The following BIK variants were observed in gnomAD, a reference collection of about 807,000 sequenced individuals.
BIK encodes the protein BCL2 interacting killer, also known as bcl-2-interacting killer.
In BIK, 14 loss-of-function variants were observed where a neutral mutation model predicts 12.1. That is an observed-to-expected ratio of 1.16 (90% CI 0.77 to 1.81). The LOEUF is 1.81. Among genes scored for constraint, BIK ranks in the 40% most tolerant of loss-of-function variants. The pLI is 0.00. For synonymous variants in BIK, 86 were observed against 92.3 expected (o/e 0.93, Z 0.39); for missense variants, 215 against 207.9 (o/e 1.03, Z -0.21).
chr22:43,126,651 C>T (rs560970529), intron 2 of BIK, among the ~76,000 whole-genome samples: 22 of 152,282 alleles, frequency 1.4e-4, no homozygotes, highest in East Asian at 1.4e-3. Context: ...GCACCTCCCA[C>T]AGGCCAGGGA....
Position 43,124,117 on chromosome 22 carries a change from T to C in BIK, c.95T>C (p.Met32Thr). 1 of 1,614,184 alleles carries C rather than the reference T, an allele frequency of 6.2e-7. No homozygotes were observed. The highest frequency in any genetic ancestry group is 8.5e-7 in the Non-Finnish European group (1 of 1,180,028). ...LEPPTMEVLGMTDSEEDLDPM... is the reference protein window; with the variant it reads ...LEPPTMEVLGTTDSEEDLDPM... ...CCCCCGACCATGGAGGTTCTTGGCA[T>C]GACTGACTCTGAAGAGGACCTGGAC... Residue 32 changes from methionine to threonine, a missense_variant, in exon 2 of 5, where the codon ATG becomes ACG. Coordinates refer to ENST00000216115, the MANE Select transcript of BIK (RefSeq NM_001197.5).
chr22:43,111,826 G>C (rs957709018), intron 1 of BIK, among the ~76,000 whole-genome samples: 94 of 152,280 alleles, frequency 6.2e-4, no homozygotes, highest in African/African-American at 2.0e-3. Flanking sequence ...CTAGCGCCGG[G>C]AAGTTCTTAA....
chr22:43,123,838 A>T (rs1226606298), intron 1 of BIK, among the ~76,000 whole-genome samples, 178 bp from the exon 2 acceptor site: 2 of 152,206 alleles, frequency 1.3e-5, no homozygotes, highest in Non-Finnish European at 2.9e-5. Context: ...CCAGAGGCAC[A>T]CAGCCAGCAT....
Position 43,111,332 on chromosome 22 carries a change from A to G in BIK, c.-8+529A>G, listed in dbSNP as rs1394447012. 2.6e-5 allele frequency among the ~76,000 whole-genome samples: 4 copies of G among 152,328 alleles called. No homozygotes were observed. In the East Asian group the frequency reaches 7.7e-4, roughly 29 times the overall value. ...AGGAAGGGCCGAGGAAAGGCTTCGTAACGGGACGCCCAGAAAGTCCGGAAC... is the reference window on the plus strand; with the variant it reads ...AGGAAGGGCCGAGGAAAGGCTTCGTGACGGGACGCCCAGAAAGTCCGGAAC... On this transcript the variant is annotated intron_variant, in intron 1 of 4. Coordinates refer to ENST00000216115, the MANE Select transcript of BIK (RefSeq NM_001197.5).
At chr22:43,125,645 G>A (rs1299783219) in intron 2 of BIK, among the ~76,000 whole-genome samples, 1 of 152,042 alleles carries the variant, frequency 6.6e-6, no homozygotes, top group African/African-American at 2.4e-5. Flanking sequence ...ACTTGAACCC[G>A]GGACGTGGAG....
intron 1 of BIK, among the ~76,000 whole-genome samples, chr22:43,112,121 T>A (rs1293674007): frequency 6.6e-6 from 1 of 152,196 alleles, no homozygotes; most frequent in Non-Finnish European, 1.5e-5. Flanking sequence ...GAGTTAAGAC[T>A]CACCCCGATT....
intron 1 of BIK, among the ~76,000 whole-genome samples, chr22:43,122,414 A>G (rs1174433609): frequency 3.9e-5 from 6 of 152,202 alleles, no homozygotes; most frequent in African/African-American, 9.7e-5. Flanking sequence ...CGTCTTCCCA[A>G]TAGCCCAGGG....
intron 2 of BIK, among the ~76,000 whole-genome samples, chr22:43,125,748 GAAAGA>G (rs1821296444): frequency 6.6e-6 from 1 of 151,854 alleles, no homozygotes; most frequent in South Asian, 2.1e-4. Context: ...AGAAAAGAAA[GAAAGA>G]AAAAAGAAAG....
At position 43,129,250 on chromosome 22, in the gene BIK, T is replaced by G. The variant is rs145876995; in HGVS notation, c.428T>G (p.Leu143Arg). The change falls in exon 5 of 5, where the codon CTG becomes CGG. Residue 143 changes from leucine (L) to arginine (R), a missense_variant. Coordinates refer to ENST00000216115, the MANE Select transcript of BIK (RefSeq NM_001197.5). ...CAGGTGCTGCTGGCGCTGCTGCTGC[T>G]GCTGGCGCTGCTGCTGCCGCTGCTC... is the stretch of plus-strand genomic sequence containing the variant. ...CEQVLLALLL[L>R]LALLLPLLSG... The G allele has an allele frequency of 6.3e-7, 1 of 1,591,194 alleles. No individual in the cohort carries two copies. The highest frequency in any genetic ancestry group is 2.2e-5 in the East Asian group (1 of 44,816).
At chr22:43,120,944 G>A (rs922517540) in intron 1 of BIK, among the ~76,000 whole-genome samples, 4 of 152,220 alleles carry the variant, frequency 2.6e-5, no homozygotes, top group Admixed American at 2.6e-4. Context: ...GGGAGGCTGA[G>A]GCGGGTGGAT....
chr22:43,129,247 T>TGCC lies in BIK; in HGVS notation c.427_428insCGC (p.Leu142_Leu143insPro), dbSNP rs762372547. The TGCC allele has an allele frequency of 6.3e-7, 1 of 1,597,400 alleles. No individual in the cohort carries two copies. The highest frequency in any genetic ancestry group is 8.5e-7 in the Non-Finnish European group (1 of 1,176,530). ...GAACAGGTGCTGCTGGCGCTGCTGC[T>TGCC]GCTGCTGGCGCTGCTGCTGCCGCTG... On this transcript the variant is annotated inframe_insertion, in exon 5 of 5. Coordinates refer to ENST00000216115, the MANE Select transcript of BIK (RefSeq NM_001197.5).
chr22:43,129,115 C>T (rs1051206381), intron 4 of BIK, 98 bp from the exon 5 acceptor site: 1 of 1,590,126 alleles, frequency 6.3e-7, no homozygotes, highest in African/African-American at 1.3e-5. Flanking sequence ...TTCCCAGTCC[C>T]CACCCTCCTG....
chr22:43,119,819 T>TA (rs1930184973), intron 1 of BIK, among the ~76,000 whole-genome samples: 1 of 151,902 alleles, frequency 6.6e-6, no homozygotes, highest in South Asian at 2.1e-4. Flanking sequence ...AGCAATTCTA[T>TA]AAAAATGAGC....
At chr22:43,125,649 C>G (rs115069474) in intron 2 of BIK, among the ~76,000 whole-genome samples, 2,471 of 151,886 alleles carry the variant, frequency 0.016, 72 homozygotes, top group African/African-American at 0.057. Context: ...GAACCCGGGA[C>G]GTGGAGGTTG....
chr22:43,125,740 A>AAAAG (rs1188990129), intron 2 of BIK, among the ~76,000 whole-genome samples: 1 of 147,044 alleles, frequency 6.8e-6, no homozygotes, highest in Non-Finnish European at 1.5e-5. Flanking sequence ...AGAGAAAGAG[A>AAAAG]AAAGAAAGAA....
At chr22:43,117,739 C>T (rs1257590306) in intron 1 of BIK, among the ~76,000 whole-genome samples, 7 of 145,712 alleles carry the variant, frequency 4.8e-5, no homozygotes, top group African/African-American at 1.3e-4. Flanking sequence ...GGTGTGATCT[C>T]GGCTCACTGC....
At chr22:43,116,739 A>G (rs1227368128) in intron 1 of BIK, among the ~76,000 whole-genome samples, 7 of 152,124 alleles carry the variant, frequency 4.6e-5, no homozygotes, top group African/African-American at 1.4e-4. Flanking sequence ...TTACAGGCGT[A>G]AGCCACCGTG....
intron 1 of BIK, among the ~76,000 whole-genome samples, chr22:43,118,588 G>A (rs1445243182): frequency 6.6e-6 from 1 of 152,144 alleles, no homozygotes; most frequent in African/African-American, 2.4e-5. Flanking sequence ...CCACCCTCAT[G>A]GTCCAGGGCC....
chr22:43,122,801 G>A (rs742135), intron 1 of BIK, among the ~76,000 whole-genome samples: 2,062 of 152,214 alleles, frequency 0.014, 54 homozygotes, highest in African/African-American at 0.048. Context: ...AGGCCTGGCC[G>A]CTCTCTGCCT....
Sources: gnomAD v4.1 joint callset for allele counts (sites outside exome capture counted in the v4.1 genomes callset) on GRCh38, gnomAD v4.1.1 for gene constraint, MANE v1.5 for transcripts, NCBI Gene and HGNC (gene_info 2026-07-23, HGNC 2026-07-21) for gene names.